AHCYL2: variants seen among roughly 807,000 people sequenced by gnomAD.
AHCYL2 encodes the protein S-adenosylhomocysteine hydrolase-like protein 2.
In AHCYL2, 28 loss-of-function variants were observed where a neutral mutation model predicts 81.4. The ratio of observed to expected loss-of-function variants is 0.34; its 90% CI spans 0.25 to 0.47. AHCYL2 has a LOEUF of 0.47. AHCYL2 is among the 20% of genes least tolerant of loss of function. AHCYL2 has a pLI of 1.00. For missense variants in AHCYL2, 551 were observed against 785.1 expected (o/e 0.70, Z 3.56); for synonymous variants, 272 against 290.2 (o/e 0.94, Z 0.64).
intron 5 of AHCYL2, among the ~76,000 whole-genome samples, chr7:129,398,788 A>G (rs920154180): frequency 2.0e-5 from 3 of 152,074 alleles, no homozygotes; most frequent in Non-Finnish European, 4.4e-5. Flanking sequence ...GAGATAATAC[A>G]CATATATAAA....
intron 2 of AHCYL2, among the ~76,000 whole-genome samples, chr7:129,382,203 C>T (rs1794988327): frequency 6.6e-6 from 1 of 152,076 alleles, no homozygotes; most frequent in African/African-American, 2.4e-5. Flanking sequence ...GAATGAAAAG[C>T]CAAAAGTAAT....
At chr7:129,269,260 G>A (rs1431483133) in intron 1 of AHCYL2, among the ~76,000 whole-genome samples, 3 of 151,124 alleles carry the variant, frequency 2.0e-5, no homozygotes, top group Non-Finnish European at 4.4e-5. Context: ...GTCCTACTGG[G>A]ACCACCATGG....
At chr7:129,348,720 C>T (rs970430135) in intron 1 of AHCYL2, among the ~76,000 whole-genome samples, 1 of 152,100 alleles carries the variant, frequency 6.6e-6, no homozygotes, top group African/African-American at 2.4e-5. Flanking sequence ...TTGTCCCTTC[C>T]CCTCCAGTTC....
At chr7:129,232,664 C>G (rs1246349982) in intron 1 of AHCYL2, among the ~76,000 whole-genome samples, 5 of 152,218 alleles carry the variant, frequency 3.3e-5, no homozygotes, top group Non-Finnish European at 7.3e-5. Context: ...TACAATATCC[C>G]CCTCCTTGAT....
Position 129,406,273 on chromosome 7 carries a change from A to G in AHCYL2, c.1207-105A>G. On this transcript the variant is annotated intron_variant, in intron 9 of 16. Coordinates refer to ENST00000325006, the MANE Select transcript of AHCYL2 (RefSeq NM_015328.4). The surrounding 1 kb of genome is among the most constrained non-coding windows in gnomAD (Gnocchi z 4.3). ...TCCCCAAGTATGAATCTATTCAGTG[A>G]AATTCCTCTCGGGGGTGGAAAGAGG... 1 of 968,080 alleles carries G rather than the reference A, an allele frequency of 1.0e-6. No homozygotes were observed. The highest frequency in any genetic ancestry group is 1.6e-6 in the Non-Finnish European group (1 of 621,966). 60.0% of individuals were successfully genotyped at this position (968,080 alleles called of 1,614,324 possible).
chr7:129,368,672 A>C lies in AHCYL2; in HGVS notation c.364-10966A>C. The C allele has an allele frequency of 8.4e-7, 1 of 1,194,888 alleles. No individual in the cohort carries two copies. Among genetic ancestry groups the C allele is most frequent in the Non-Finnish European group, 1.2e-6 (1 of 815,448 alleles). 74.0% of individuals were successfully genotyped at this position (1,194,888 alleles called of 1,614,324 possible). Reference sequence around the variant, plus strand: ...TACCAAGATCCGTGGTTGGAAAAACAGTTATTACTCTACGTTCTGATTAGT... The same window carrying C: ...TACCAAGATCCGTGGTTGGAAAAACCGTTATTACTCTACGTTCTGATTAGT... On this transcript the variant is annotated intron_variant, in intron 1 of 16. Transcript: ENST00000325006. The surrounding 1 kb of genome is among the most constrained non-coding windows in gnomAD (Gnocchi z 4.4).
chr7:129,405,193 C>T lies in AHCYL2; in HGVS notation c.1122C>T (p.Cys374=). 1 of 1,605,080 alleles carries T rather than the reference C, an allele frequency of 6.2e-7. No individual in the cohort carries two copies. Among genetic ancestry groups the T allele is most frequent in the Non-Finnish European group, 8.5e-7 (1 of 1,175,488 alleles). The change falls in exon 8 of 17, where the codon TGC becomes TGT. Residue 374 remains cysteine (C), a synonymous_variant. Coordinates refer to ENST00000325006, the MANE Select transcript of AHCYL2 (RefSeq NM_015328.4). ...AGAAATTTGACAACCTCTACTGTTG[C>T]CGTGAATCAATTCTTGATGGGTAAT... is the stretch of plus-strand genomic sequence containing the variant. ...TKQKFDNLYC[C]RESILDGLKR...
At position 129,422,355 on chromosome 7, in the gene AHCYL2, AT is replaced by A. The variant is rs67462036; in HGVS notation, c.1462-482del. Among the ~76,000 whole-genome samples, 1,074 of 152,272 alleles carry A rather than the reference AT, an allele frequency of 7.1e-3. 13 individuals carry two copies. The highest frequency in any genetic ancestry group is 0.024 in the African/African-American group (1,015 of 41,550). On this transcript the variant is annotated intron_variant, in intron 12 of 16. Coordinates refer to ENST00000325006, the MANE Select transcript of AHCYL2 (RefSeq NM_015328.4). ...GGCCCCAGCATGCTATGTTTAGGAC[AT>A]TTGGCCTCTTACTAAACCCACTCAG...
intron 11 of AHCYL2, among the ~76,000 whole-genome samples, chr7:129,411,488 G>A (rs889119817): frequency 1.6e-4 from 25 of 152,150 alleles, no homozygotes; most frequent in African/African-American, 3.9e-4. Flanking sequence ...GGCTGGGCAC[G>A]GTGGCTCACG....
chr7:129,414,203 G>A (rs567927033), intron 12 of AHCYL2, among the ~76,000 whole-genome samples: 1 of 152,200 alleles, frequency 6.6e-6, no homozygotes, highest in South Asian at 2.1e-4. Context: ...TTTATTGGGC[G>A]AGGTCACCCC....
At chr7:129,415,062 A>T (rs997014379) in intron 12 of AHCYL2, among the ~76,000 whole-genome samples, 6 of 152,010 alleles carry the variant, frequency 3.9e-5, no homozygotes, top group Non-Finnish European at 8.8e-5. Flanking sequence ...TGGCCTTATT[A>T]CTCTCTCTTA....
At chr7:129,290,780 A>G (rs1286554614) in intron 1 of AHCYL2, among the ~76,000 whole-genome samples, 1 of 151,450 alleles carries the variant, frequency 6.6e-6, no homozygotes, top group East Asian at 2.0e-4. Flanking sequence ...AAATACAAAA[A>G]TTAGCCGGGC....
At chr7:129,339,161 GC>G (rs1265868776) in intron 1 of AHCYL2, among the ~76,000 whole-genome samples, 2 of 152,090 alleles carry the variant, frequency 1.3e-5, no homozygotes, top group East Asian at 3.8e-4. Context: ...CTTCACATTA[GC>G]CATTTAGGTT....
intron 1 of AHCYL2, among the ~76,000 whole-genome samples, chr7:129,240,480 C>T (rs1386527732): frequency 1.3e-5 from 2 of 152,242 alleles, no homozygotes; most frequent in East Asian, 3.9e-4. Flanking sequence ...GTACTTTTAA[C>T]TGAGCCAGAA....
chr7:129,284,469 T>C lies in AHCYL2; in HGVS notation c.363+59030T>C, dbSNP rs1249053447. On this transcript the variant is annotated intron_variant, in intron 1 of 16. Transcript: ENST00000325006. ...AAAAAATTAGCTGGGCATGGTGGCA[T>C]GTGCCTGTAATCCCAGCTGCTTGGT... Among the ~76,000 whole-genome samples the C allele has an allele frequency of 2.0e-5, 3 of 151,988 alleles. No homozygotes were observed. In the East Asian group the frequency reaches 5.8e-4, roughly 29 times the overall value.
intron 5 of AHCYL2, among the ~76,000 whole-genome samples, chr7:129,397,840 C>T (rs1047331541): frequency 2.0e-5 from 3 of 152,236 alleles, no homozygotes; most frequent in African/African-American, 7.2e-5. Flanking sequence ...CTTGCCTTTA[C>T]TCTTTGGCAG....
chr7:129,375,986 C>T lies in AHCYL2; in HGVS notation c.364-3652C>T, dbSNP rs771378729. The T allele has an allele frequency of 7.3e-5, 112 of 1,528,506 alleles. 1 individual carries two copies. In the African/African-American group the frequency reaches 7.7e-4, roughly 10 times the overall value. 94.7% of individuals were successfully genotyped at this position (1,528,506 alleles called of 1,614,324 possible). A position where few individuals can be genotyped will look rare whatever the true frequency, so the allele number is the denominator to read the frequency against. On this transcript the variant is annotated intron_variant, in intron 1 of 16. Transcript: ENST00000325006. ...TGCTATAGCCATTATTGTAAAAGGCCGACTGCTTATACTCTTTTTCCCCTC... is the reference window on the plus strand; with the variant it reads ...TGCTATAGCCATTATTGTAAAAGGCTGACTGCTTATACTCTTTTTCCCCTC...
chr7:129,274,569 G>T (rs1584731372), intron 1 of AHCYL2, among the ~76,000 whole-genome samples: 1 of 152,086 alleles, frequency 6.6e-6, no homozygotes, highest in Admixed American at 6.6e-5. Context: ...CTTGAATCTG[G>T]GCTGGCTTTA....
intron 1 of AHCYL2, among the ~76,000 whole-genome samples, chr7:129,349,468 C>CAA (rs56205996): frequency 0.27 from 26,389 of 98,040 alleles, 4,097 homozygotes; most frequent in East Asian, 0.57. Context: ...CCATCTCTAC[C>CAA]AAAAAAAAAA....
Sources: allele counts gnomAD v4.1 joint callset (sites outside exome capture counted in the v4.1 genomes callset), GRCh38; gene constraint gnomAD v4.1.1; non-coding constraint Gnocchi (gnomAD v3.1); transcripts MANE v1.5; gene names NCBI Gene and HGNC (gene_info 2026-07-23, HGNC 2026-07-21).